The following PBX1 variants were observed in gnomAD, a reference collection of about 807,000 sequenced individuals.
PBX1 encodes PBX homeobox 1, also known as pre-B-cell leukemia transcription factor 1.
A neutral mutation model predicts 53.4 loss-of-function variants in PBX1; 6 were observed. That is an observed-to-expected ratio of 0.11 (90% CI 0.06 to 0.22). PBX1 has a LOEUF of 0.22. Among genes scored for constraint, PBX1 ranks in the 10% least tolerant of loss-of-function variants. The pLI is 1.00. For missense variants in PBX1, 251 were observed against 551.4 expected, an observed-to-expected ratio of 0.46 and a Z score of 5.46; for synonymous variants, 204 against 212.3, an observed-to-expected ratio of 0.96 and a Z score of 0.34.
chr1:164,632,033 G>C (rs2101880820), intron 2 of PBX1, among the ~76,000 whole-genome samples: 1 of 152,320 alleles, frequency 6.6e-6, no homozygotes. Flanking sequence ...ACAGGCTGTT[G>C]TTAGATTTAG....
intron 2 of PBX1, among the ~76,000 whole-genome samples, chr1:164,674,081 T>C (rs555844286): frequency 5.1e-4 from 78 of 152,350 alleles, no homozygotes; most frequent in Non-Finnish European, 8.7e-4. Flanking sequence ...CCCGTCCAGC[T>C]GGCCGTTCAC....
intron 4 of PBX1, among the ~76,000 whole-genome samples, chr1:164,800,992 G>A (rs1669041414): frequency 6.6e-6 from 1 of 151,978 alleles, no homozygotes; most frequent in Admixed American, 6.6e-5. Flanking sequence ...ATTTTTCTCT[G>A]TGTTCACAAT....
At chr1:164,583,372 C>T (rs1282346300) in intron 2 of PBX1, among the ~76,000 whole-genome samples, 1 of 151,802 alleles carries the variant, frequency 6.6e-6, no homozygotes, top group South Asian at 2.1e-4. Context: ...TGCTTCCATT[C>T]TTTTTTAGGG....
chr1:164,860,647 C>T (rs1386031474), intron 2 of PBX1, among the ~76,000 whole-genome samples: 1 of 152,164 alleles, frequency 6.6e-6, no homozygotes, highest in African/African-American at 2.4e-5. Context: ...ATGCAGAAGA[C>T]ATGCATAGAA....
intron 2 of PBX1, among the ~76,000 whole-genome samples, chr1:164,618,408 C>T (rs1449148377): frequency 6.6e-6 from 1 of 150,798 alleles, no homozygotes; most frequent in Admixed American, 6.6e-5. Context: ...CAATGACTGT[C>T]TCCTACTCCG....
intron 8 of PBX1, among the ~76,000 whole-genome samples, chr1:164,822,582 C>T (rs926642352): frequency 1.3e-5 from 2 of 152,274 alleles, no homozygotes; most frequent in Non-Finnish European, 1.5e-5. Flanking sequence ...GTGATGACCT[C>T]TTCAACTGCG....
intron 8 of PBX1, among the ~76,000 whole-genome samples, chr1:164,831,797 A>T (rs1670779347): frequency 6.6e-6 from 1 of 152,168 alleles, no homozygotes; most frequent in Non-Finnish European, 1.5e-5. Flanking sequence ...TTGTCCACAG[A>T]ATAGTCTGTT....
intron 8 of PBX1, among the ~76,000 whole-genome samples, chr1:164,823,480 C>T (rs189583437): frequency 6.6e-6 from 1 of 151,646 alleles, no homozygotes; most frequent in Admixed American, 6.6e-5. Context: ...GGACAAGAAC[C>T]TGGCCATACT....
intron 2 of PBX1, among the ~76,000 whole-genome samples, chr1:164,859,869 T>G (rs1346147767): frequency 6.6e-6 from 1 of 152,208 alleles, no homozygotes; most frequent in Non-Finnish European, 1.5e-5. Flanking sequence ...GGAATACAAC[T>G]GTATTTATCA....
intron 2 of PBX1, chr1:164,884,580 T>G: frequency 1.9e-6 from 1 of 516,816 alleles, no homozygotes; most frequent in Middle Eastern, 2.9e-4. Context: ...GATGCTCTGG[T>G]GGTGACAGCA....
chr1:164,618,295 G>T (rs1197332057), intron 2 of PBX1, among the ~76,000 whole-genome samples: 1 of 16,578 alleles, frequency 6.0e-5, no homozygotes, highest in Non-Finnish European at 3.3e-4. Flanking sequence ...GAATAATCAC[G>T]GCGGGGGGGG....
chr1:164,565,669 G>A (rs943023046), intron 2 of PBX1, among the ~76,000 whole-genome samples: 3 of 151,972 alleles, frequency 2.0e-5, no homozygotes, highest in Non-Finnish European at 4.4e-5. Flanking sequence ...CAAGACCCTG[G>A]AACCTTCAAT....
intron 2 of PBX1, among the ~76,000 whole-genome samples, chr1:164,672,038 T>G (rs1241924008): frequency 1.2e-4 from 1 of 8,070 alleles, no homozygotes; most frequent in African/African-American, 1.7e-4. Context: ...TTTCTTTCTG[T>G]TTTTTTTTTT....
At chr1:164,608,754 A>T (rs1656716202) in intron 2 of PBX1, among the ~76,000 whole-genome samples, 1 of 152,182 alleles carries the variant, frequency 6.6e-6, no homozygotes, top group Non-Finnish European at 1.5e-5. Context: ...CAACTAGCAG[A>T]GCTGGACACC....
chr1:164,651,692 C>A (rs1215113282), intron 2 of PBX1, among the ~76,000 whole-genome samples: 1 of 152,050 alleles, frequency 6.6e-6, no homozygotes, highest in Non-Finnish European at 1.5e-5. Context: ...CAGAGAGGAG[C>A]CCACAAATGG....
At chr1:164,743,470 C>T (rs1484698629) in intron 2 of PBX1, among the ~76,000 whole-genome samples, 1 of 152,110 alleles carries the variant, frequency 6.6e-6, no homozygotes, top group African/African-American at 2.4e-5. Context: ...TTCCAGTGCT[C>T]ACTTTTGCAT....
intron 2 of PBX1, among the ~76,000 whole-genome samples, chr1:164,763,359 G>A (rs1420627223): frequency 6.6e-6 from 1 of 152,212 alleles, no homozygotes; most frequent in Non-Finnish European, 1.5e-5. Flanking sequence ...TCAGAATGGA[G>A]GAAGGGGCAG....
intron 2 of PBX1, among the ~76,000 whole-genome samples, chr1:164,859,822 A>G (rs2102441016): frequency 6.6e-6 from 1 of 152,344 alleles, no homozygotes; most frequent in African/African-American, 2.4e-5. Context: ...ATGCAAGATT[A>G]AACAAAACAC....
At chr1:164,778,314 G>A (rs569761567) in intron 2 of PBX1, among the ~76,000 whole-genome samples, 1 of 152,286 alleles carries the variant, frequency 6.6e-6, no homozygotes, top group South Asian at 2.1e-4. Flanking sequence ...TGATGGTGTG[G>A]TGTAGAAACA....
Sources: gnomAD v4.1 joint callset for allele counts (sites outside exome capture counted in the v4.1 genomes callset) on GRCh38, gnomAD v4.1.1 for gene constraint, MANE v1.5 for transcripts, NCBI Gene and HGNC (gene_info 2026-07-23, HGNC 2026-07-21) for gene names.